The following EMC2 variants were observed in gnomAD, a reference collection of about 807,000 sequenced individuals.
EMC2 encodes TPR repeat protein 35.
Under a neutral mutation model 51.6 loss-of-function variants are expected in EMC2, and 37 were observed. The observed-to-expected ratio is 0.72, with a 90% CI of 0.55 to 0.94. EMC2 has a LOEUF of 0.94. EMC2 is among the 40% of genes least tolerant of loss of function. EMC2 has a pLI of 0.00. For missense variants in EMC2, 359 were observed against 350.9 expected, an observed-to-expected ratio of 1.02 and a Z score of -0.18; for synonymous variants, 131 against 112.4, an observed-to-expected ratio of 1.17 and a Z score of -1.04.
intron 7 of EMC2, among the ~76,000 whole-genome samples, chr8:108,473,684 C>G (rs1810899870): frequency 6.6e-6 from 1 of 151,812 alleles, no homozygotes; most frequent in Admixed American, 6.6e-5. Flanking sequence ...ACGGAATTAC[C>G]ACAATTCTTT....
intron 5 of EMC2, among the ~76,000 whole-genome samples, chr8:108,468,652 TAA>T (rs1049275484): frequency 6.6e-6 from 1 of 152,158 alleles, no homozygotes; most frequent in African/African-American, 2.4e-5. Context: ...CTTGATACTG[TAA>T]AGAGACCACA....
chr8:108,449,962 T>C, intron 2 of EMC2, 26 bp downstream of exon 2: 1 of 1,027,800 alleles, frequency 9.7e-7, no homozygotes, highest in Non-Finnish European at 1.5e-6. Flanking sequence ...ACATTCAGGC[T>C]CAGTACATGC....
Position 108,485,042 on chromosome 8 carries a change from T to A in EMC2, c.808-1470T>A, listed in dbSNP as rs79000385. Among the ~76,000 whole-genome samples the A allele has an allele frequency of 9.4e-3, 1,422 of 152,012 alleles. 11 individuals carry two copies. Among genetic ancestry groups the A allele is most frequent in the Non-Finnish European group, 0.016 (1,059 of 67,820 alleles). On this transcript the variant is annotated intron_variant, in intron 10 of 10. Coordinates refer to ENST00000220853, the MANE Select transcript of EMC2 (RefSeq NM_014673.5). Reference sequence around the variant, plus strand: ...TTTATTTACTTTTTCAAATCAGGATTCAGCTACAGAAACTAATCTAATGGT... The same window carrying A: ...TTTATTTACTTTTTCAAATCAGGATACAGCTACAGAAACTAATCTAATGGT...
chr8:108,482,990 A>G (rs1218979071), intron 10 of EMC2, among the ~76,000 whole-genome samples: 1 of 152,116 alleles, frequency 6.6e-6, no homozygotes, highest in Non-Finnish European at 1.5e-5. Context: ...AGTCCCGTCC[A>G]TGGAAGCTAG....
chr8:108,466,519 T>C (rs1251599525), intron 5 of EMC2, among the ~76,000 whole-genome samples: 1 of 138,648 alleles, frequency 7.2e-6, no homozygotes, highest in African/African-American at 2.6e-5. Flanking sequence ...GTGAGGCAAT[T>C]ATAGCTCACT....
chr8:108,453,124 C>A lies in EMC2; in HGVS notation c.282C>A (p.Gly94=), dbSNP rs771065111. The change falls in exon 4 of 11, where the codon GGC becomes GGA. Residue 94 remains glycine, a synonymous_variant. Transcript: ENST00000220853. The part of the protein sequence containing the change: ...PGSHRVKRLT[G]MRFEAMERYD... ...GTCACAGAGTCAAGCGATTAACAGG[C>A]ATGAGATTTGAAGCCATGGAAAGGT... is the stretch of plus-strand genomic sequence containing the variant. 7 of 1,606,972 alleles carry A rather than the reference C, an allele frequency of 4.4e-6. No individual in the cohort carries two copies. In the South Asian group the frequency reaches 7.8e-5, roughly 18 times the overall value.
At chr8:108,483,389 A>G (rs6469190) in intron 10 of EMC2, among the ~76,000 whole-genome samples, 21,662 of 152,092 alleles carry the variant, frequency 0.14, 3,081 homozygotes, top group African/African-American at 0.37. Flanking sequence ...TTTGCAGTCA[A>G]CCTCATCCCC....
intron 3 of EMC2, among the ~76,000 whole-genome samples, chr8:108,452,777 A>C (rs2130342723): frequency 6.6e-6 from 1 of 152,304 alleles, no homozygotes; most frequent in African/African-American, 2.4e-5. Flanking sequence ...GTTTTTAAGG[A>C]GGAATAATAT....
At chr8:108,486,346 T>C (rs919017184) in intron 10 of EMC2, among the ~76,000 whole-genome samples, 166 bp from the exon 11 acceptor site, 1 of 151,942 alleles carries the variant, frequency 6.6e-6, no homozygotes, top group African/African-American at 2.4e-5. Flanking sequence ...GAAAATGTCC[T>C]TAATACTCAA....
At chr8:108,475,681 T>G in intron 7 of EMC2, 1 of 492,486 alleles carries the variant, frequency 2.0e-6, no homozygotes, top group Non-Finnish European at 3.6e-6. Flanking sequence ...AAGCCTGTGT[T>G]TATTAATTTC....
intron 5 of EMC2, among the ~76,000 whole-genome samples, chr8:108,460,790 G>C (rs1819300683): frequency 6.6e-6 from 1 of 152,208 alleles, no homozygotes; most frequent in African/African-American, 2.4e-5. Context: ...TCCCTTAGCG[G>C]TTAGGTAAAC....
At chr8:108,473,534 A>G (rs1042196523) in intron 7 of EMC2, among the ~76,000 whole-genome samples, 5 of 152,226 alleles carry the variant, frequency 3.3e-5, no homozygotes, top group East Asian at 3.9e-4. Context: ...ATACATTCAC[A>G]TTATGAAAGA....
chr8:108,449,963 C>A, intron 2 of EMC2, 27 bp downstream of exon 2: 2 of 852,378 alleles, frequency 2.3e-6, no homozygotes, highest in South Asian at 1.9e-5. Context: ...CATTCAGGCT[C>A]AGTACATGCC....
intron 1 of EMC2, 41 bp from the exon 2 acceptor site, chr8:108,449,782 C>A: frequency 1.1e-6 from 1 of 884,842 alleles, no homozygotes; most frequent in South Asian, 1.5e-5. Flanking sequence ...ATGTGTGTGT[C>A]TGGGTACATA....
intron 7 of EMC2, among the ~76,000 whole-genome samples, chr8:108,472,173 A>G (rs1189326161): frequency 1.3e-5 from 2 of 152,026 alleles, no homozygotes; most frequent in Non-Finnish European, 2.9e-5. Flanking sequence ...TTAAAAATAT[A>G]TCACCTTTTC....
chr8:108,472,168 A>AAT (rs1215362330), intron 7 of EMC2, among the ~76,000 whole-genome samples: 1 of 152,032 alleles, frequency 6.6e-6, no homozygotes, highest in Non-Finnish European at 1.5e-5. Context: ...ATAGCTTAAA[A>AAT]ATATATCACC....
intron 5 of EMC2, among the ~76,000 whole-genome samples, chr8:108,460,560 C>T (rs542185473): frequency 6.6e-6 from 1 of 152,274 alleles, no homozygotes; most frequent in African/African-American, 2.4e-5. Context: ...ACTTTGTTTT[C>T]TGCACAAAAT....
chr8:108,456,510 A>C (rs1011238050), intron 5 of EMC2, among the ~76,000 whole-genome samples: 1 of 152,112 alleles, frequency 6.6e-6, no homozygotes, highest in African/African-American at 2.4e-5. Flanking sequence ...ATGAAAAAAA[A>C]GCCATTTCAA....
chr8:108,449,928 G>T lies in EMC2; in HGVS notation c.146G>T (p.Gly49Val). Residue 49 changes from glycine (G) to valine (V), a missense_variant, in exon 2 of 11, where the codon GGA becomes GTA. Coordinates refer to ENST00000220853, the MANE Select transcript of EMC2 (RefSeq NM_014673.5). ...ELINEYASKLGDDIWIIYEQV... is the reference protein window; with the variant it reads ...ELINEYASKLVDDIWIIYEQV... ...ATTAATGAATATGCTTCTAAGCTGG[G>T]AGATGATAGTAAGTTCTTTTATTAC... 2 of 1,498,230 alleles carry T rather than the reference G, an allele frequency of 1.3e-6. No homozygotes were observed. The highest frequency in any genetic ancestry group is 1.9e-6 in the Non-Finnish European group (2 of 1,078,570). The allele number at this position is 1,498,230 out of a possible 1,614,324, so 92.8% of individuals were successfully genotyped here. A position where few individuals can be genotyped will look rare whatever the true frequency, so the allele number is the denominator to read the frequency against.
Sources: allele counts gnomAD v4.1 joint callset (sites outside exome capture counted in the v4.1 genomes callset), GRCh38; gene constraint gnomAD v4.1.1; transcripts MANE v1.5; gene names NCBI Gene and HGNC (gene_info 2026-07-23, HGNC 2026-07-21).